EXT2: variants seen among roughly 807,000 people sequenced by gnomAD.
EXT2 encodes exostosin-2.
Under a neutral mutation model 81.6 loss-of-function variants are expected in EXT2, and 53 were observed. The observed-to-expected ratio is 0.65, with a 90% CI of 0.52 to 0.82. EXT2 has a LOEUF of 0.82. EXT2 is among the 40% of genes least tolerant of loss of function. The pLI is 0.00. For synonymous variants in EXT2, 320 were observed against 340.0 expected, an observed-to-expected ratio of 0.94 and a Z score of 0.65; for missense variants, 774 against 910.2, an observed-to-expected ratio of 0.85 and a Z score of 1.93.
intron 8 of EXT2, among the ~76,000 whole-genome samples, chr11:44,185,881 T>C (rs1955303748): frequency 6.6e-6 from 1 of 152,230 alleles, no homozygotes; most frequent in African/African-American, 2.4e-5. Context: ...GAGAATGAGC[T>C]ACTCTTTCAA....
chr11:44,096,180 C>T lies in EXT2; in HGVS notation c.-31+328C>T, dbSNP rs1243163002. On this transcript the variant is annotated intron_variant, in intron 1 of 13. Transcript: ENST00000533608. ...CTTTCCTCCTGCGACCCGCCCTCCG[C>T]CCTCCGCCGTGACCCCTCCCTTCCT... is the stretch of plus-strand genomic sequence containing the variant. 7.1e-6 allele frequency: 10 copies of T among 1,409,582 alleles called. No individual in the cohort carries two copies. In the East Asian group the frequency reaches 1.5e-4, roughly 21 times the overall value. 87.3% of individuals were successfully genotyped at this position (1,409,582 alleles called of 1,614,324 possible).
intron 10 of EXT2, among the ~76,000 whole-genome samples, chr11:44,228,263 C>G (rs1427887618): frequency 2.0e-5 from 3 of 152,146 alleles, no homozygotes; most frequent in Non-Finnish European, 4.4e-5. Context: ...TGTGGAAGCA[C>G]TGTTACTGGA....
chr11:44,166,886 A>G (rs1329730341), intron 7 of EXT2, among the ~76,000 whole-genome samples: 3 of 152,212 alleles, frequency 2.0e-5, no homozygotes, highest in South Asian at 4.1e-4. Flanking sequence ...AAAAGACTAT[A>G]TTGGACCAGG....
At chr11:44,144,245 A>G (rs1954685159) in intron 7 of EXT2, 1 of 1,597,932 alleles carries the variant, frequency 6.3e-7, no homozygotes, top group African/African-American at 1.3e-5. Context: ...TTCACCTTTC[A>G]GCTCTTCATG....
intron 13 of EXT2, among the ~76,000 whole-genome samples, chr11:44,238,211 A>G (rs1347273899): frequency 6.6e-6 from 1 of 152,184 alleles, no homozygotes; most frequent in East Asian, 1.9e-4. Flanking sequence ...TATTATTATT[A>G]AGAGAAAGGA....
At chr11:44,227,362 A>G (rs1955849277) in intron 10 of EXT2, among the ~76,000 whole-genome samples, 1 of 152,222 alleles carries the variant, frequency 6.6e-6, no homozygotes, top group South Asian at 2.1e-4. Context: ...AACAGATCAC[A>G]ATTGGTGGGT....
chr11:44,222,854 C>T (rs1333696105), intron 10 of EXT2, among the ~76,000 whole-genome samples: 3 of 152,108 alleles, frequency 2.0e-5, no homozygotes, highest in Admixed American at 2.0e-4. Context: ...AAGCTATATA[C>T]TTGGAGATAA....
rs114047932 is a variant in EXT2 at position 44,212,660 on chromosome 11, T to A, written c.1662+5701T>A. ...GCAGACATATGTCTGCATAAAGACTTATAAGATCCCTAAACTAGAAACATC... is the reference window on the plus strand; with the variant it reads ...GCAGACATATGTCTGCATAAAGACTAATAAGATCCCTAAACTAGAAACATC... On this transcript the variant is annotated intron_variant, in intron 10 of 13. Transcript: ENST00000533608. Among the ~76,000 whole-genome samples the A allele has an allele frequency of 7.4e-3, 1,132 of 152,246 alleles. 10 individuals carry two copies. Among genetic ancestry groups the A allele is most frequent in the African/African-American group, 0.026 (1,083 of 41,528 alleles).
At chr11:44,224,876 G>A (rs1955821967) in intron 10 of EXT2, among the ~76,000 whole-genome samples, 1 of 152,166 alleles carries the variant, frequency 6.6e-6, no homozygotes, top group African/African-American at 2.4e-5. Flanking sequence ...AAATCAACTT[G>A]AAATTTTGAA....
At chr11:44,207,118 A>G (rs533566308) in intron 10 of EXT2, among the ~76,000 whole-genome samples, 159 bp downstream of exon 10, 3 of 152,330 alleles carry the variant, frequency 2.0e-5, no homozygotes, top group Admixed American at 6.5e-5. Flanking sequence ...TGGGTTATGA[A>G]GCTGTTCTTT....
At chr11:44,211,613 G>A (rs1455678475) in intron 10 of EXT2, among the ~76,000 whole-genome samples, 5 of 152,174 alleles carry the variant, frequency 3.3e-5, no homozygotes, top group African/African-American at 4.8e-5. Flanking sequence ...GGTTACCAGA[G>A]GTTGGAGAGA....
intron 8 of EXT2, among the ~76,000 whole-genome samples, chr11:44,191,673 T>C (rs1439424399): frequency 6.6e-6 from 1 of 152,206 alleles, no homozygotes; most frequent in African/African-American, 2.4e-5. Flanking sequence ...GGGGGTCAGT[T>C]CTTAAAGGTA....
chr11:44,244,138 A>G lies in EXT2; in HGVS notation c.2019-11A>G. The G allele has an allele frequency of 6.2e-7, 1 of 1,613,752 alleles. No homozygotes were observed. The highest frequency in any genetic ancestry group is 1.7e-5 in the Admixed American group (1 of 60,004). On this transcript the variant is annotated splice_polypyrimidine_tract_variant and intron_variant, in intron 13 of 13. Coordinates refer to ENST00000533608, the MANE Select transcript of EXT2 (RefSeq NM_207122.2). Reference sequence around the variant, plus strand: ...AACCCCTCCTCCCCACCTCCTCTCCAAATCCCACAGGTCAGAGTGCATCAA... The same window carrying G: ...AACCCCTCCTCCCCACCTCCTCTCCGAATCCCACAGGTCAGAGTGCATCAA...
rs1227246529 is a variant in EXT2, at chr11:44,124,958, G to T, written c.913G>T (p.Val305Phe). The T allele has an allele frequency of 6.2e-7, 1 of 1,613,240 alleles. No homozygotes were observed. Among genetic ancestry groups the T allele is most frequent in the Admixed American group, 1.7e-5 (1 of 60,004 alleles). Residue 305 changes from valine to phenylalanine, a missense_variant, in exon 5 of 14, where the codon GTC (valine) becomes TTC (phenylalanine). Physicochemically the swap from Val to Phe is conservative, Grantham distance 50. Around this residue, in one of 2 missense-constraint regions of EXT2, gnomAD observed 626 missense variants for 670.5 expected, o/e 0.93. Coordinates refer to ENST00000533608, the MANE Select transcript of EXT2 (RefSeq NM_207122.2). ...CCGTAAGCGCTGCCACAAGCACCAG[G>T]TCTTCGATTACCCACAGGTGCTACA... The part of the protein sequence containing the change: ...SVRKRCHKHQ[V>F]FDYPQVLQEA...
At chr11:44,191,705 G>C (rs1565228734) in intron 8 of EXT2, among the ~76,000 whole-genome samples, 1 of 152,284 alleles carries the variant, frequency 6.6e-6, no homozygotes, top group East Asian at 1.9e-4. Flanking sequence ...ACTAAATGCT[G>C]TTTTTGAAAT....
At chr11:44,160,818 T>G (rs1165502949) in intron 7 of EXT2, among the ~76,000 whole-genome samples, 1 of 152,220 alleles carries the variant, frequency 6.6e-6, no homozygotes, top group Non-Finnish European at 1.5e-5. Context: ...ACAAATTATT[T>G]TGTAGCTGGC....
In EXT2 at chr11:44,249,926, C is replaced by T. The variant is rs1011552911; in HGVS notation, c.*5639C>T. Reference sequence around the variant, plus strand: ...TCTACTAAAAATACAAAGAATTAGCCGGGCATAGTGGCAGGCACCTGTAGC... The same window carrying T: ...TCTACTAAAAATACAAAGAATTAGCTGGGCATAGTGGCAGGCACCTGTAGC... On this transcript the variant is annotated 3_prime_UTR_variant, in exon 14 of 14. Coordinates refer to ENST00000533608, the MANE Select transcript of EXT2 (RefSeq NM_207122.2). Among the ~76,000 whole-genome samples, 4 of 152,076 alleles carry T rather than the reference C, an allele frequency of 2.6e-5. No homozygotes were observed. Among genetic ancestry groups the T allele is most frequent in the Admixed American group, 6.6e-5 (1 of 15,264 alleles).
chr11:44,194,421 C>G (rs976001860), intron 8 of EXT2, among the ~76,000 whole-genome samples: 15 of 152,136 alleles, frequency 9.9e-5, no homozygotes, highest in Admixed American at 9.2e-4. Flanking sequence ...GTAGCAAACT[C>G]TGGAGTTCCC....
Position 44,114,203 on chromosome 11 carries a change from C to A in EXT2, c.645C>A (p.Gly215=), listed in dbSNP as rs111364140. 9 of 1,614,012 alleles carry A rather than the reference C, an allele frequency of 5.6e-6. No individual in the cohort carries two copies. In the East Asian group the frequency reaches 2.0e-4, roughly 36 times the overall value. ...CTTTCAGGGCCCTGTTGGCTGGTGGCGGCTTTTCTACGTGGACTTACCGGC... is the reference window on the plus strand; with the variant it reads ...CTTTCAGGGCCCTGTTGGCTGGTGGAGGCTTTTCTACGTGGACTTACCGGC... ...VPRDRALLAG[G]GFSTWTYRQG... Residue 215 remains glycine, a synonymous_variant, in exon 4 of 14, where the codon GGC becomes GGA. Coordinates refer to ENST00000533608, the MANE Select transcript of EXT2 (RefSeq NM_207122.2).
Sources: gnomAD v4.1 joint callset for allele counts (sites outside exome capture counted in the v4.1 genomes callset) on GRCh38, gnomAD v4.1.1 for gene constraint, gnomAD v4.1.1 regional missense constraint, MANE v1.5 for transcripts, NCBI Gene and HGNC (gene_info 2026-07-23, HGNC 2026-07-21) for gene names.